The following REEP3 variants were observed in gnomAD, a reference collection of about 807,000 sequenced individuals.
The protein encoded by REEP3 is receptor accessory protein 3, also known as receptor expression-enhancing protein 3.
In REEP3, 20 loss-of-function variants were observed where a neutral mutation model predicts 41.3. That is an observed-to-expected ratio of 0.48 (90% CI 0.34 to 0.70). The LOEUF is 0.70. Among genes scored for constraint, REEP3 ranks in the 30% least tolerant of loss-of-function variants. REEP3 has a pLI of 0.01. For missense variants in REEP3, 271 were observed against 308.8 expected (o/e 0.88, Z 0.92); for synonymous variants, 104 against 101.8 (o/e 1.02, Z -0.13).
intron 6 of REEP3, among the ~76,000 whole-genome samples, chr10:63,611,840 G>T (rs1002756598): frequency 1.3e-5 from 2 of 150,246 alleles, no homozygotes; most frequent in Admixed American, 1.3e-4. Flanking sequence ...TACTTGGGAG[G>T]CAGGTGGGAA....
intron 1 of REEP3, among the ~76,000 whole-genome samples, chr10:63,551,249 A>G (rs969104262): frequency 6.6e-6 from 1 of 152,236 alleles, no homozygotes; most frequent in South Asian, 2.1e-4. Flanking sequence ...ACATTGAGAA[A>G]GATCCCAGTG....
intron 6 of REEP3, among the ~76,000 whole-genome samples, 195 bp downstream of exon 6, chr10:63,610,529 G>GT (rs1323591546): frequency 1.3e-5 from 2 of 151,994 alleles, no homozygotes; most frequent in African/African-American, 2.4e-5. Flanking sequence ...GTATACCTGT[G>GT]TAACAAACCT....
chr10:63,603,348 A>C (rs1956192584), intron 5 of REEP3, among the ~76,000 whole-genome samples: 1 of 149,202 alleles, frequency 6.7e-6, no homozygotes, highest in Admixed American at 6.7e-5. Context: ...CCCACCCATT[A>C]CCCTTCATTA....
chr10:63,608,601 T>C (rs1956250354), intron 5 of REEP3, among the ~76,000 whole-genome samples: 2 of 152,206 alleles, frequency 1.3e-5, no homozygotes, highest in African/African-American at 4.8e-5. Context: ...AAATAATAAG[T>C]ATAAAAAACC....
rs1284890906 is a variant in REEP3 at position 63,569,832 on chromosome 10, C to T, written c.105+3422C>T. ...TGGCATATGCCTGTAGTCCTAGCTA[C>T]TGGAAAGGCTGAGGTGGGAGAATCA... On this transcript the variant is annotated intron_variant, in intron 2 of 7. Coordinates refer to ENST00000373758, the MANE Select transcript of REEP3 (RefSeq NM_001001330.3). 2.6e-5 allele frequency among the ~76,000 whole-genome samples: 4 copies of T among 152,126 alleles called. No homozygotes were observed. In the East Asian group the frequency reaches 5.8e-4, roughly 22 times the overall value.
In REEP3 at chr10:63,620,846, A is replaced by G. The variant is rs1270793234; in HGVS notation, c.745A>G (p.Lys249Glu). The part of the protein sequence containing the change: ...RYGSLKYKVK[K>E]RPQVYF The stretch of plus-strand genomic sequence containing the variant: ...CGGGTCACTAAAATACAAAGTGAAG[A>G]AACGACCACAAGTGTATTTTTAGTC... Residue 249 changes from lysine (K) to glutamate (E), a missense_variant, in exon 8 of 8, where the codon AAA (lysine) becomes GAA (glutamate). Coordinates refer to ENST00000373758, the MANE Select transcript of REEP3 (RefSeq NM_001001330.3). The G allele has an allele frequency of 6.2e-7, 1 of 1,608,660 alleles. No homozygotes were observed. Among genetic ancestry groups the G allele is most frequent in the Admixed American group, 1.7e-5 (1 of 59,790 alleles).
intron 5 of REEP3, among the ~76,000 whole-genome samples, chr10:63,603,052 A>G (rs927955571): frequency 2.2e-4 from 34 of 151,986 alleles, no homozygotes; most frequent in South Asian, 6.2e-4. Context: ...AGTGGCTCAC[A>G]CCTGTAATCC....
chr10:63,564,114 G>A (rs1955773188), intron 1 of REEP3, among the ~76,000 whole-genome samples: 1 of 152,172 alleles, frequency 6.6e-6, no homozygotes, highest in South Asian at 2.1e-4. Context: ...TACATTAATT[G>A]TAATAAGTGT....
intron 1 of REEP3, among the ~76,000 whole-genome samples, chr10:63,531,024 T>C (rs1481229023): frequency 6.6e-6 from 1 of 152,224 alleles, no homozygotes; most frequent in Non-Finnish European, 1.5e-5. Context: ...TTATGCATAC[T>C]TACCCCTATT....
chr10:63,559,585 G>A (rs556710399), intron 1 of REEP3, among the ~76,000 whole-genome samples: 15 of 152,230 alleles, frequency 9.9e-5, no homozygotes, highest in African/African-American at 3.4e-4. Context: ...TGTGAATTCT[G>A]GAGTAAGAGT....
intron 2 of REEP3, among the ~76,000 whole-genome samples, chr10:63,582,036 G>C (rs1955958974): frequency 6.6e-6 from 1 of 152,054 alleles, no homozygotes; most frequent in African/African-American, 2.4e-5. Context: ...TTCGGAAATG[G>C]CACCACCTTC....
chr10:63,550,396 A>G (rs917003645), intron 1 of REEP3, among the ~76,000 whole-genome samples: 2 of 152,222 alleles, frequency 1.3e-5, no homozygotes, highest in African/African-American at 4.8e-5. Flanking sequence ...GAATATATCA[A>G]ATATAACTAG....
In REEP3 at chr10:63,612,372, A is replaced by G. The variant is rs1466970978; in HGVS notation, c.565+2038A>G. The stretch of plus-strand genomic sequence containing the variant: ...TTTTTTGTAGAGACGGGGCTTCACC[A>G]TGTTACCCAGACTGGCCTCAAACTC... On this transcript the variant is annotated intron_variant, in intron 6 of 7. Coordinates refer to ENST00000373758, the MANE Select transcript of REEP3 (RefSeq NM_001001330.3). Among the ~76,000 whole-genome samples, 4 of 152,126 alleles carry G rather than the reference A, an allele frequency of 2.6e-5. No individual in the cohort carries two copies. In the East Asian group the frequency reaches 5.8e-4, roughly 22 times the overall value.
chr10:63,557,948 A>C (rs985079158), intron 1 of REEP3, among the ~76,000 whole-genome samples: 1 of 152,196 alleles, frequency 6.6e-6, no homozygotes, highest in Non-Finnish European at 1.5e-5. Context: ...GAAGGCATCA[A>C]TTTCTCAAAG....
intron 2 of REEP3, among the ~76,000 whole-genome samples, chr10:63,584,960 C>T (rs1022811548): frequency 2.0e-5 from 3 of 152,044 alleles, no homozygotes; most frequent in African/African-American, 7.2e-5. Flanking sequence ...TTAAGTGAAT[C>T]ATTAGGCATG....
chr10:63,543,564 C>T (rs533387328), intron 1 of REEP3, among the ~76,000 whole-genome samples: 1 of 151,158 alleles, frequency 6.6e-6, no homozygotes, highest in South Asian at 2.1e-4. Context: ...TTGTCCATTT[C>T]TTTTGTCACA....
intron 1 of REEP3, among the ~76,000 whole-genome samples, chr10:63,546,035 A>C (rs1215229390): frequency 6.6e-6 from 1 of 152,032 alleles, no homozygotes; most frequent in Non-Finnish European, 1.5e-5. Context: ...ACCGGGTGTA[A>C]ACCCTAAGTC....
chr10:63,533,558 A>G (rs1328653377), intron 1 of REEP3, among the ~76,000 whole-genome samples: 1 of 152,010 alleles, frequency 6.6e-6, no homozygotes, highest in Non-Finnish European at 1.5e-5. Flanking sequence ...AAATATAGGG[A>G]CTTTCTGTTT....
intron 1 of REEP3, among the ~76,000 whole-genome samples, chr10:63,556,797 G>A (rs1277873347): frequency 4.7e-5 from 7 of 149,750 alleles, no homozygotes; most frequent in African/African-American, 9.8e-5. Flanking sequence ...CACTACGCCC[G>A]GCTAATTTTT....
Sources: gnomAD v4.1 joint callset for allele counts (sites outside exome capture counted in the v4.1 genomes callset) on GRCh38, gnomAD v4.1.1 for gene constraint, MANE v1.5 for transcripts, NCBI Gene and HGNC (gene_info 2026-07-23, HGNC 2026-07-21) for gene names.